Variants in SSC5D observed in about 807,000 individuals in gnomAD.
SSC5D encodes scavenger receptor cysteine rich family member with 5 domains, also known as soluble scavenger receptor cysteine-rich domain-containing protein SSC5D.
A neutral mutation model predicts 104.6 loss-of-function variants in SSC5D; 106 were observed. The ratio of observed to expected loss-of-function variants is 1.01; its 90% CI spans 0.87 to 1.19. SSC5D has a LOEUF of 1.19. SSC5D is among the 50% of genes most tolerant of loss of function. The pLI is 0.00. For missense variants in SSC5D, 1,993 were observed against 2,153.8 expected (o/e 0.93, Z 1.48); for synonymous variants, 860 against 883.5 (o/e 0.97, Z 0.47).
At chr19:55,495,231 ATATTTTTTTT>A (rs1447047136) in intron 8 of SSC5D, among the ~76,000 whole-genome samples, 2 of 25,968 alleles carry the variant, frequency 7.7e-5, no homozygotes, top group East Asian at 2.8e-3. Context: ...ATATATATAT[ATATTTTTTTT>A]TTTTTTTTTT....
At position 55,518,086 on chromosome 19, in the gene SSC5D, G is replaced by A; in HGVS notation, c.3810G>A (p.Gln1270=). Residue 1270 remains glutamine (Q), a synonymous_variant, in exon 14 of 14, where the codon CAG becomes CAA. Coordinates refer to ENST00000389623, the MANE Select transcript of SSC5D (RefSeq NM_001144950.2). ...CCCCTCAACCCTTCACCACCATGCA[G>A]CCCACCACGATGCCTCATCCCACCA... The part of the protein sequence containing the change: ...TTTPQPFTTM[Q]PTTMPHPTTT... 7.4e-7 allele frequency: 1 copy of A among 1,355,734 alleles called. No individual in the cohort carries two copies. Among genetic ancestry groups the A allele is most frequent in the South Asian group, 1.3e-5 (1 of 77,382 alleles). 84.0% of individuals were successfully genotyped at this position (1,355,734 alleles called of 1,614,324 possible).
At chr19:55,507,490 T>G (rs1201205182) in intron 12 of SSC5D, among the ~76,000 whole-genome samples, 3 of 148,748 alleles carry the variant, frequency 2.0e-5, no homozygotes, top group African/African-American at 7.4e-5. Context: ...CATGGTGAAA[T>G]CCCGTCTCTA....
At chr19:55,491,209 C>A in intron 6 of SSC5D, 129 bp downstream of exon 6, 1 of 1,035,044 alleles carries the variant, frequency 9.7e-7, no homozygotes, top group African/African-American at 1.6e-5. Context: ...GCATGCCCAG[C>A]GCCCACTCAC....
chr19:55,501,117 G>C lies in SSC5D; in HGVS notation c.2701G>C (p.Gly901Arg). Reference sequence around the variant, plus strand: ...CCTGGCCAAGGGGACTACCACAGCGGGGGTACCTGGACACACTCTCCCCTG... The same window carrying C: ...CCTGGCCAAGGGGACTACCACAGCGCGGGTACCTGGACACACTCTCCCCTG... Reference protein sequence around the residue: ...EDLAKGTTTAGVPGHTLPWRT... With the variant: ...EDLAKGTTTARVPGHTLPWRT... The change falls in exon 12 of 14, where the codon GGG becomes CGG. Residue 901 changes from glycine (G) to arginine (R), a missense_variant. Coordinates refer to ENST00000389623, the MANE Select transcript of SSC5D (RefSeq NM_001144950.2). The C allele has an allele frequency of 6.4e-7, 1 of 1,551,640 alleles. No individual in the cohort carries two copies. The highest frequency in any genetic ancestry group is 2.4e-5 in the East Asian group (1 of 40,908).
In SSC5D at chr19:55,493,981, C is replaced by CGGG. The variant is rs1406364930; in HGVS notation, c.1213+72_1213+74dup. On this transcript the variant is annotated intron_variant, in intron 7 of 13. Coordinates refer to ENST00000389623, the MANE Select transcript of SSC5D (RefSeq NM_001144950.2). Reference sequence around the variant, plus strand: ...GCTTGGAGCGGAGGGGCAAGTTCGGCGGGGGCGGGGGGGTCCCTACGCGCC... The same window carrying CGGG: ...GCTTGGAGCGGAGGGGCAAGTTCGGCGGGGGGGGCGGGGGGGTCCCTACGCGCC... The CGGG allele has an allele frequency of 3.8e-4, 17 of 44,726 alleles. No individual in the cohort carries two copies. The African/African-American group carries it at 4.3e-3, about 11-fold the overall frequency. The allele number at this position is 44,726 out of a possible 1,614,324, so 2.8% of individuals were successfully genotyped here.
intron 12 of SSC5D, among the ~76,000 whole-genome samples, chr19:55,509,714 C>A (rs1599927150): frequency 6.6e-6 from 1 of 151,336 alleles, no homozygotes; most frequent in Non-Finnish European, 1.5e-5. Context: ...AAAAAATTAG[C>A]TGGGCATGGT....
In SSC5D at chr19:55,517,598, G is replaced by A. The variant is rs1398748326; in HGVS notation, c.3322G>A (p.Val1108Met). Residue 1108 changes from valine to methionine, a missense_variant, in exon 14 of 14, where the codon GTG becomes ATG. Val to Met is a conservative substitution (Grantham distance 21). Coordinates refer to ENST00000389623, the MANE Select transcript of SSC5D (RefSeq NM_001144950.2). ...LTSDPSTPSE[V>M]TSLSPTSEQV... ...CTCTGACCCTTCTACACCGTCGGAG[G>A]TGACCAGCCTTTCCCCTACCTCAGA... 6.4e-7 allele frequency: 1 copy of A among 1,551,522 alleles called. No homozygotes were observed. The highest frequency in any genetic ancestry group is 2.0e-5 in the Admixed American group (1 of 50,946).
At chr19:55,515,039 G>T (rs549138634) in intron 13 of SSC5D, among the ~76,000 whole-genome samples, 2 of 152,264 alleles carry the variant, frequency 1.3e-5, no homozygotes, top group South Asian at 2.1e-4. Context: ...GAAGGGATGC[G>T]CCTGAAAGAC....
chr19:55,495,233 A>ATATATATATATATATATATATATAAT (rs1555765051), intron 8 of SSC5D, among the ~76,000 whole-genome samples: 1 of 50,668 alleles, frequency 2.0e-5, no homozygotes, highest in African/African-American at 9.8e-5. Context: ...ATATATATAT[A>ATATATATATATATATATATATATAAT]TTTTTTTTTT....
At chr19:55,489,057 T>TGGGCGGG in intron 2 of SSC5D, 25 bp downstream of exon 2, 5 of 1,247,964 alleles carry the variant, frequency 4.0e-6, no homozygotes, top group East Asian at 3.6e-5. Flanking sequence ...TCCTCCCATC[T>TGGGCGGG]GCCCGCCCCC....
At chr19:55,501,341 GACCCTAA>G in intron 12 of SSC5D, 140 bp downstream of exon 12, 2 of 954,680 alleles carry the variant, frequency 2.1e-6, no homozygotes, top group Non-Finnish European at 3.0e-6. Context: ...TGGCTCCTGA[GACCCTAA>G]ACGCATTACC....
chr19:55,489,057 TGCCC>T, intron 2 of SSC5D, 25 bp downstream of exon 2: 1 of 1,247,956 alleles, frequency 8.0e-7, no homozygotes, highest in Non-Finnish European at 1.0e-6. Flanking sequence ...TCCTCCCATC[TGCCC>T]GCCCCCCCCC....
At position 55,500,587 on chromosome 19, in the gene SSC5D, C is replaced by T; in HGVS notation, c.2400C>T (p.Asn800=). The T allele has an allele frequency of 6.4e-7, 1 of 1,551,764 alleles. No individual in the cohort carries two copies. The highest frequency in any genetic ancestry group is 8.7e-7 in the Non-Finnish European group (1 of 1,147,004). The change falls in exon 11 of 14, where the codon AAC becomes AAT. Residue 800 remains asparagine (N), a synonymous_variant. Transcript: ENST00000389623. The surrounding 1 kb of genome is among the most constrained non-coding windows in gnomAD (Gnocchi z 4.6). ...GCTGGGGAACAGTGTGTGATGACAA[C>T]TGGGACCTGCGGGACGCCACTGTGG... The part of the protein sequence containing the change: ...AGRWGTVCDD[N]WDLRDATVAC...
intron 1 of SSC5D, among the ~76,000 whole-genome samples, 181 bp from the exon 2 acceptor site, chr19:55,488,825 C>T (rs1052814881): frequency 3.9e-5 from 1 of 25,594 alleles, no homozygotes; most frequent in African/African-American, 1.6e-4. Context: ...CCCCCCAGCC[C>T]TGACCCTGCG....
At chr19:55,489,288 A>T (rs913266737) in intron 2 of SSC5D, 66 bp from the exon 3 acceptor site, 3 of 1,403,206 alleles carry the variant, frequency 2.1e-6, no homozygotes, top group Non-Finnish European at 2.8e-6. Context: ...CTGCCCCTAC[A>T]GTTGCCCTGG....
chr19:55,489,458 G>A lies in SSC5D; in HGVS notation c.157G>A (p.Asp53Asn), dbSNP rs988082938. 9 of 1,479,244 alleles carry A rather than the reference G, an allele frequency of 6.1e-6. No individual in the cohort carries two copies. The highest frequency in any genetic ancestry group is 5.4e-5 in the South Asian group (4 of 73,718). 91.6% of individuals were successfully genotyped at this position (1,479,244 alleles called of 1,614,324 possible). A position where few individuals can be genotyped will look rare whatever the true frequency, so the allele number is the denominator to read the frequency against. Residue 53 changes from aspartate to asparagine, a missense_variant, in exon 3 of 14, where the codon GAT becomes AAT. By Grantham distance (23) the Asp-to-Asn change is conservative. Transcript: ENST00000389623. ...GTGTGATGACGGCTGGGACCTGCGC[G>A]ATGCCGCCGTGGCCTGCCGGCAGCT... ...TVCDDGWDLR[D>N]AAVACRQLGC...
At chr19:55,492,664 T>G (rs1037648241) in intron 6 of SSC5D, 2 of 152,130 alleles carry the variant, frequency 1.3e-5, no homozygotes, top group East Asian at 3.9e-4. Context: ...ATTCTGCACC[T>G]GCCTCGTTGG....
chr19:55,496,247 G>A (rs2123437880), intron 8 of SSC5D, among the ~76,000 whole-genome samples: 1 of 152,248 alleles, frequency 6.6e-6, no homozygotes, highest in South Asian at 2.1e-4. Flanking sequence ...GGAGAGGGTG[G>A]TTTGCACACG....
At position 55,500,696 on chromosome 19, in the gene SSC5D, G is replaced by C; in HGVS notation, c.2509G>C (p.Asp837His). The change falls in exon 11 of 14, where the codon GAT becomes CAT. Residue 837 changes from aspartate (D) to histidine (H), a missense_variant. Asp to His is a moderately conservative substitution (Grantham distance 81, BLOSUM62 -1). Coordinates refer to ENST00000389623, the MANE Select transcript of SSC5D (RefSeq NM_001144950.2). The surrounding 1 kb of genome is among the most constrained non-coding windows in gnomAD (Gnocchi z 4.6). ...YGPGTGPIWL[D>H]DMGCKGSEAS... ...CCCTGGGACTGGGCCCATCTGGCTGGATGACATGGGCTGTAAGGGAAGCGA... is the reference window on the plus strand; with the variant it reads ...CCCTGGGACTGGGCCCATCTGGCTGCATGACATGGGCTGTAAGGGAAGCGA... 1 of 1,551,740 alleles carries C rather than the reference G, an allele frequency of 6.4e-7. No homozygotes were observed.
Sources: allele counts gnomAD v4.1 joint callset (sites outside exome capture counted in the v4.1 genomes callset), GRCh38; gene constraint gnomAD v4.1.1; non-coding constraint Gnocchi (gnomAD v3.1); transcripts MANE v1.5; gene names NCBI Gene and HGNC (gene_info 2026-07-23, HGNC 2026-07-21).